ADCY9: variants seen among roughly 807,000 people sequenced by gnomAD.
ADCY9 encodes adenylate cyclase 9, also known as adenylate cyclase type 9.
ADCY9 carries 50 observed loss-of-function variants against 101.5 expected under a neutral mutation model. The ratio of observed to expected loss-of-function variants is 0.49; its 90% confidence interval spans 0.39 to 0.62. ADCY9 has a LOEUF of 0.62. Ranked by LOEUF, ADCY9 falls within the 20% of genes least tolerant of loss-of-function variation. The pLI is 0.00. For missense variants in ADCY9, 1,662 were observed against 1,800.4 expected (o/e 0.92, Z 1.39); for synonymous variants, 905 against 769.3 (o/e 1.18, Z -2.92).
In ADCY9 at chr16:3,963,699, G is replaced by A. The variant is rs567207750; in HGVS notation, c.*2076C>T. 11 of 235,406 alleles carry A rather than the reference G, an allele frequency of 4.7e-5. No individual in the cohort carries two copies. The highest frequency in any genetic ancestry group is 2.4e-4 in the East Asian group (3 of 12,564). The allele number at this position is 235,406 out of a possible 1,614,324, so 14.6% of individuals were successfully genotyped here. On this transcript the variant is annotated 3_prime_UTR_variant, in exon 11 of 11. Transcript: ENST00000294016. ...CGAGACAGCAAGGTCGTGAGCAAAC[G>A]CCCAGCCCCTCAAAGCTACACAGCC...
At chr16:4,044,271 C>T (rs2056647214) in intron 2 of ADCY9, among the ~76,000 whole-genome samples, 1 of 151,924 alleles carries the variant, frequency 6.6e-6, no homozygotes, top group South Asian at 2.1e-4. Flanking sequence ...CGCTTGAACC[C>T]AGGAGGCGGA....
intron 2 of ADCY9, among the ~76,000 whole-genome samples, chr16:4,023,154 C>T (rs982783833): frequency 1.2e-4 from 19 of 152,194 alleles, no homozygotes; most frequent in African/African-American, 3.6e-4. Flanking sequence ...TAATAAGAAA[C>T]AAGAAGTTGT....
At chr16:4,076,691 T>A (rs2056869339) in intron 2 of ADCY9, among the ~76,000 whole-genome samples, 1 of 152,214 alleles carries the variant, frequency 6.6e-6, no homozygotes, top group Non-Finnish European at 1.5e-5. Flanking sequence ...GAGCCATTAA[T>A]TAGTTTCAAA....
downstream of ADCY9, among the ~76,000 whole-genome samples, chr16:3,959,938 A>T (rs1338432335): frequency 6.6e-6 from 1 of 152,158 alleles, no homozygotes; most frequent in Non-Finnish European, 1.5e-5. Flanking sequence ...AGGCAGGAGA[A>T]TTGTTTGAAC....
At chr16:4,030,396 G>C (rs2056547500) in intron 2 of ADCY9, among the ~76,000 whole-genome samples, 1 of 152,054 alleles carries the variant, frequency 6.6e-6, no homozygotes, top group African/African-American at 2.4e-5. Flanking sequence ...GAGTGACAGA[G>C]GCAGCCACAA....
chr16:4,065,597 A>G (rs955597540), intron 2 of ADCY9, among the ~76,000 whole-genome samples: 5 of 152,090 alleles, frequency 3.3e-5, no homozygotes, highest in Non-Finnish European at 7.4e-5. Context: ...ATTGAGACGG[A>G]GTCTCACTCT....
At chr16:4,031,521 G>A (rs949695172) in intron 2 of ADCY9, among the ~76,000 whole-genome samples, 1 of 152,192 alleles carries the variant, frequency 6.6e-6, no homozygotes, top group South Asian at 2.1e-4. Context: ...TCAATCAGGT[G>A]AAGTGGGATA....
chr16:3,997,022 G>A (rs1050381018), intron 3 of ADCY9, among the ~76,000 whole-genome samples: 9 of 151,984 alleles, frequency 5.9e-5, no homozygotes, highest in Admixed American at 4.6e-4. Flanking sequence ...CCACCACCAC[G>A]CCTGGCTTAT....
intron 2 of ADCY9, chr16:4,015,725 G>C (rs1567438507): frequency 6.6e-6 from 1 of 152,198 alleles, no homozygotes. Flanking sequence ...CCAGGACTTT[G>C]AGAGGCCGAG....
chr16:4,024,852 C>T (rs562483655), intron 2 of ADCY9, among the ~76,000 whole-genome samples: 1 of 152,222 alleles, frequency 6.6e-6, no homozygotes, highest in South Asian at 2.1e-4. Context: ...AGTTCTGGAC[C>T]TCCCAAGCTG....
At chr16:3,969,569 AATATATATATATAT>A (rs57260468) in intron 10 of ADCY9, among the ~76,000 whole-genome samples, 1,753 of 45,216 alleles carry the variant, frequency 0.039, 122 homozygotes, top group African/African-American at 0.089. Context: ...GTTTGTTTGA[AATATATATATATAT>A]ATATATATAT....
chr16:4,083,203 A>AC lies in ADCY9; in HGVS notation c.1693+30546dup, dbSNP rs1966842469. On this transcript the variant is annotated intron_variant, in intron 2 of 10. Coordinates refer to ENST00000294016, the MANE Select transcript of ADCY9 (RefSeq NM_001116.4). ...ATTTTAGTTAGGTTTTCGTTAACTC[A>AC]CAACAAAAACCATCTTAACCAATAT... Among the ~76,000 whole-genome samples, 10 of 152,350 alleles carry AC rather than the reference A, an allele frequency of 6.6e-5. No homozygotes were observed. The South Asian group carries it at 2.1e-3, about 32-fold the overall frequency.
chr16:4,071,857 C>T (rs1056147521), intron 2 of ADCY9, among the ~76,000 whole-genome samples: 7 of 152,024 alleles, frequency 4.6e-5, no homozygotes, highest in Non-Finnish European at 7.4e-5. Context: ...GTCATCCAGG[C>T]GGGAGTGCGG....
chr16:4,095,571 T>G (rs2056998471), intron 2 of ADCY9, among the ~76,000 whole-genome samples: 1 of 152,040 alleles, frequency 6.6e-6, no homozygotes, highest in African/African-American at 2.4e-5. Flanking sequence ...TTCCAATCTC[T>G]CTCTAAAATA....
chr16:4,051,137 C>T (rs946318744), intron 2 of ADCY9, among the ~76,000 whole-genome samples: 6 of 151,868 alleles, frequency 4.0e-5, no homozygotes, highest in African/African-American at 1.5e-4. Context: ...TGCATGGACC[C>T]AGGAGGCAGA....
intron 2 of ADCY9, among the ~76,000 whole-genome samples, chr16:4,045,209 A>G (rs921260600): frequency 6.6e-6 from 1 of 152,068 alleles, no homozygotes; most frequent in African/African-American, 2.4e-5. Context: ...ATTTGAGGGG[A>G]AGCTGAGGAC....
intron 2 of ADCY9, among the ~76,000 whole-genome samples, chr16:4,083,633 T>A (rs959766213): frequency 8.5e-5 from 13 of 152,130 alleles, no homozygotes; most frequent in Admixed American, 2.6e-4. Context: ...GAATGGATAA[T>A]CAACAAAGAT....
chr16:4,002,861 A>T (rs1262888809), intron 3 of ADCY9, among the ~76,000 whole-genome samples: 1 of 152,196 alleles, frequency 6.6e-6, no homozygotes, highest in South Asian at 2.1e-4. Flanking sequence ...GACTACAGGC[A>T]TATGCCACCA....
intron 2 of ADCY9, among the ~76,000 whole-genome samples, chr16:4,054,864 G>A (rs1420730845): frequency 6.6e-6 from 1 of 152,100 alleles, no homozygotes; most frequent in Non-Finnish European, 1.5e-5. Context: ...ACTGTGCCCA[G>A]CCGAAATGGA....
Sources: allele counts gnomAD v4.1 joint callset (sites outside exome capture counted in the v4.1 genomes callset), GRCh38; gene constraint gnomAD v4.1.1; transcripts MANE v1.5; gene names NCBI Gene and HGNC (gene_info 2026-07-23, HGNC 2026-07-21).